The following NWD2 variants were observed in gnomAD, a reference collection of about 807,000 sequenced individuals.
NWD2 encodes NACHT and WD repeat domain-containing protein 2.
NWD2 carries 37 observed loss-of-function variants against 132.7 expected under a neutral mutation model. That is an observed-to-expected ratio of 0.28 (90% CI 0.21 to 0.37). The LOEUF is 0.37. Ranked by LOEUF, NWD2 falls within the 10% of genes least tolerant of loss-of-function variation. The probability of loss-of-function intolerance (pLI) is 1.00; values close to 1 mark genes in which losing one functional copy is unlikely to be tolerated. For synonymous variants in NWD2, 705 were observed against 803.0 expected (o/e 0.88, Z 2.06); for missense variants, 1,592 against 2,122.4 (o/e 0.75, Z 4.91).
chr4:37,257,199 G>A (rs373065496), intron 1 of NWD2, among the ~76,000 whole-genome samples: 1 of 152,328 alleles, frequency 6.6e-6, no homozygotes, highest in African/African-American at 2.4e-5. Flanking sequence ...GCTGACTGTG[G>A]CCGTGTGGTG....
chr4:37,244,897 C>A lies in NWD2; in HGVS notation c.-171C>A. The stretch of plus-strand genomic sequence containing the variant: ...GGTCCGTATGGCTTCTCCTCGCCGG[C>A]GGGTGCTGTGCGCCACGGAGCTCGC... On this transcript the variant is annotated 5_prime_UTR_variant, in exon 1 of 7. Transcript: ENST00000309447. This position sits in a 1 kb window ranked among gnomAD's most constrained non-coding sequence, Gnocchi z 5.5. The A allele has an allele frequency of 1.3e-6, 1 of 762,918 alleles. No homozygotes were observed. The highest frequency in any genetic ancestry group is 2.0e-6 in the Non-Finnish European group (1 of 500,360). The allele number at this position is 762,918 out of a possible 1,614,324, so 47.3% of individuals were successfully genotyped here.
At chr4:37,281,540 AC>A (rs1718130067) in intron 1 of NWD2, among the ~76,000 whole-genome samples, 1 of 152,060 alleles carries the variant, frequency 6.6e-6, no homozygotes, top group Non-Finnish European at 1.5e-5. Flanking sequence ...GAGAACTGGG[AC>A]CCATCTCTCC....
intron 1 of NWD2, among the ~76,000 whole-genome samples, chr4:37,309,951 G>T (rs1204206635): frequency 6.6e-6 from 1 of 152,138 alleles, no homozygotes; most frequent in Non-Finnish European, 1.5e-5. Context: ...CAGCTATCTT[G>T]ATAACATCTT....
At chr4:37,292,773 A>G (rs1233526486) in intron 1 of NWD2, among the ~76,000 whole-genome samples, 1 of 152,194 alleles carries the variant, frequency 6.6e-6, no homozygotes, top group Non-Finnish European at 1.5e-5. Context: ...ATCATCAGGC[A>G]TTAGGTTCTC....
chr4:37,412,809 G>C (rs140815782), intron 3 of NWD2, among the ~76,000 whole-genome samples: 2,003 of 152,166 alleles, frequency 0.013, 39 homozygotes, highest in African/African-American at 0.046. Flanking sequence ...CAGAACACAG[G>C]CCTCAGAAAT....
At chr4:37,245,280 A>T in intron 1 of NWD2, 62 bp downstream of exon 1, 2 of 1,477,978 alleles carry the variant, frequency 1.4e-6, no homozygotes, top group Non-Finnish European at 1.8e-6. Flanking sequence ...CGGGAGCTGG[A>T]GAGTGTGTGT....
chr4:37,318,047 G>T (rs112669064), intron 1 of NWD2, among the ~76,000 whole-genome samples: 4,095 of 121,124 alleles, frequency 0.034, 92 homozygotes, highest in Middle Eastern at 0.06. Context: ...TTGAGACGAA[G>T]TCTCGCTCTT....
intron 3 of NWD2, among the ~76,000 whole-genome samples, chr4:37,399,840 T>C (rs1250299954): frequency 6.6e-6 from 1 of 152,246 alleles, no homozygotes; most frequent in African/African-American, 2.4e-5. Flanking sequence ...GCAGATTGCC[T>C]GTCCTCATTC....
At chr4:37,409,976 A>G (rs1178452177) in intron 3 of NWD2, among the ~76,000 whole-genome samples, 4 of 152,234 alleles carry the variant, frequency 2.6e-5, no homozygotes, top group African/African-American at 9.6e-5. Context: ...TGTCACCACC[A>G]GGCCTGCCTT....
chr4:37,334,191 A>T (rs1719353039), intron 2 of NWD2, among the ~76,000 whole-genome samples: 1 of 152,258 alleles, frequency 6.6e-6, no homozygotes, highest in African/African-American at 2.4e-5. Flanking sequence ...GTATTCAAGT[A>T]CAAGATTATA....
chr4:37,288,453 G>T (rs1432148919), intron 1 of NWD2, among the ~76,000 whole-genome samples: 14 of 152,146 alleles, frequency 9.2e-5, no homozygotes, highest in Admixed American at 9.2e-4. Flanking sequence ...TAACCCCAAG[G>T]TGAAAATGAA....
intron 3 of NWD2, among the ~76,000 whole-genome samples, chr4:37,371,779 C>T (rs2109305688): frequency 6.6e-6 from 1 of 152,296 alleles, no homozygotes; most frequent in South Asian, 2.1e-4. Context: ...TGTATTCAGG[C>T]TCTATCTAAT....
intron 2 of NWD2, among the ~76,000 whole-genome samples, chr4:37,339,754 C>A (rs1333868959): frequency 6.6e-6 from 1 of 152,112 alleles, no homozygotes; most frequent in Non-Finnish European, 1.5e-5. Flanking sequence ...AAAGTCTGAG[C>A]TTTTAGCATA....
At chr4:37,292,434 C>A (rs1442293850) in intron 1 of NWD2, among the ~76,000 whole-genome samples, 1 of 152,060 alleles carries the variant, frequency 6.6e-6, no homozygotes, top group Non-Finnish European at 1.5e-5. Flanking sequence ...CGGAGAGTGA[C>A]CTCATCAGAT....
At position 37,443,690 on chromosome 4, in the gene NWD2, G is replaced by A. The variant is rs888978297; in HGVS notation, c.1702G>A (p.Glu568Lys). The change falls in exon 7 of 7, where the codon GAG (glutamate) becomes AAG (lysine). Residue 568 changes from glutamate to lysine, a missense_variant. Glu to Lys is a moderately conservative substitution (Grantham distance 56). Transcript: ENST00000309447. The surrounding 1 kb of genome is among the most constrained non-coding windows in gnomAD (Gnocchi z 4.1). ...TATCCATGAAGAAGACAACTACATC[G>A]AGCTGATTCCCCGAGACAGGAAGAT... ...CLIHEEDNYI[E>K]LIPRDRKMCS... 1.5e-5 allele frequency: 24 copies of A among 1,551,826 alleles called. No homozygotes were observed. The highest frequency in any genetic ancestry group is 2.0e-5 in the Non-Finnish European group (23 of 1,147,070).
intron 1 of NWD2, among the ~76,000 whole-genome samples, chr4:37,255,913 A>G (rs550633586): frequency 1.3e-5 from 2 of 152,336 alleles, no homozygotes; most frequent in East Asian, 3.9e-4. Flanking sequence ...CCAGTGTGTC[A>G]GAGGATGGAT....
chr4:37,389,773 CA>C (rs1277933962), intron 3 of NWD2, among the ~76,000 whole-genome samples: 1 of 140,416 alleles, frequency 7.1e-6, no homozygotes, highest in East Asian at 2.0e-4. Context: ...AAATTAATAT[CA>C]AATCATACGC....
At chr4:37,368,016 A>C (rs1720135479) in intron 3 of NWD2, among the ~76,000 whole-genome samples, 1 of 152,124 alleles carries the variant, frequency 6.6e-6, no homozygotes, top group South Asian at 2.1e-4. Context: ...GGATTGAACT[A>C]TAAGGTCCTG....
At chr4:37,314,948 G>A (rs186973317) in intron 1 of NWD2, among the ~76,000 whole-genome samples, 28 of 152,108 alleles carry the variant, frequency 1.8e-4, no homozygotes, top group East Asian at 1.7e-3. Context: ...AGCTTTTAGC[G>A]TGTGCTTTTA....
Sources: allele counts gnomAD v4.1 joint callset (sites outside exome capture counted in the v4.1 genomes callset), GRCh38; gene constraint gnomAD v4.1.1; non-coding constraint Gnocchi (gnomAD v3.1); transcripts MANE v1.5; gene names NCBI Gene and HGNC (gene_info 2026-07-23, HGNC 2026-07-21).